Variants in CTNNA2 observed in about 807,000 individuals in gnomAD.
CTNNA2 encodes catenin alpha-2.
A neutral mutation model predicts 101.0 loss-of-function variants in CTNNA2; 42 were observed. That is an observed-to-expected ratio of 0.42 (90% CI 0.32 to 0.54). The LOEUF (loss-of-function observed/expected upper bound fraction) is 0.54, where lower values mean the gene tolerates loss of function less well. CTNNA2 is among the 20% of genes least tolerant of loss of function. The pLI is 0.14. For missense variants in CTNNA2, 871 were observed against 1,223.1 expected (o/e 0.71, Z 4.29); for synonymous variants, 450 against 456.4 (o/e 0.99, Z 0.18).
At chr2:80,158,852 A>C (rs891632961) in intron 7 of CTNNA2, among the ~76,000 whole-genome samples, 2 of 151,712 alleles carry the variant, frequency 1.3e-5, no homozygotes, top group Non-Finnish European at 2.9e-5. Context: ...CAGAGCTTGC[A>C]GTGAGCCGAG....
intron 7 of CTNNA2, among the ~76,000 whole-genome samples, chr2:80,058,356 A>G (rs959763501): frequency 4.6e-5 from 7 of 152,216 alleles, no homozygotes; most frequent in African/African-American, 1.7e-4. Flanking sequence ...AAACTGAGGG[A>G]TAGAAAGTTC....
chr2:79,212,087 G>A (rs1361953611), intron 2 of CTNNA2, among the ~76,000 whole-genome samples: 1 of 152,202 alleles, frequency 6.6e-6, no homozygotes, highest in Non-Finnish European at 1.5e-5. Flanking sequence ...TCTGATTAGA[G>A]AGTGCCTAAG....
intron 2 of CTNNA2, among the ~76,000 whole-genome samples, chr2:79,230,936 C>T (rs925931228): frequency 2.0e-5 from 3 of 152,172 alleles, no homozygotes; most frequent in Non-Finnish European, 4.4e-5. Flanking sequence ...CTAATTTCTC[C>T]CATTTGGAAT....
chr2:80,082,897 T>C (rs1235247058), intron 7 of CTNNA2, among the ~76,000 whole-genome samples: 2 of 152,182 alleles, frequency 1.3e-5, no homozygotes, highest in Non-Finnish European at 2.9e-5. Context: ...TAATAGACTG[T>C]GCCCTGTGAT....
At chr2:80,248,596 C>A (rs1358551650) in intron 7 of CTNNA2, among the ~76,000 whole-genome samples, 1 of 152,176 alleles carries the variant, frequency 6.6e-6, no homozygotes, top group Non-Finnish European at 1.5e-5. Flanking sequence ...TGTCTGCCGT[C>A]TTCCAACCAC....
At chr2:80,559,461 A>T (rs1334690147) in intron 12 of CTNNA2, among the ~76,000 whole-genome samples, 3 of 152,202 alleles carry the variant, frequency 2.0e-5, no homozygotes, top group East Asian at 3.9e-4. Flanking sequence ...CCAAAGAGTG[A>T]TAACACATCT....
intron 3 of CTNNA2, among the ~76,000 whole-genome samples, chr2:79,751,518 C>A (rs1263353462): frequency 6.9e-5 from 10 of 145,148 alleles, no homozygotes; most frequent in African/African-American, 2.6e-4. Flanking sequence ...ATCACTTGAA[C>A]CTGGGAGGCG....
chr2:79,604,440 G>A (rs542432876), intron 1 of CTNNA2, among the ~76,000 whole-genome samples: 80 of 152,292 alleles, frequency 5.3e-4, no homozygotes, highest in South Asian at 3.7e-3. Context: ...CAGGGGAAAG[G>A]CATTCCAGTC....
chr2:79,377,335 T>C (rs991662360), intron 4 of CTNNA2, among the ~76,000 whole-genome samples: 10 of 152,200 alleles, frequency 6.6e-5, no homozygotes, highest in Admixed American at 2.0e-4. Flanking sequence ...GACACTATGC[T>C]GAACAATCCA....
chr2:80,306,252 A>C (rs989991915), intron 7 of CTNNA2, among the ~76,000 whole-genome samples: 3 of 152,212 alleles, frequency 2.0e-5, no homozygotes, highest in African/African-American at 7.2e-5. Flanking sequence ...CTTAGGAGTT[A>C]GAAGAGACAT....
intron 7 of CTNNA2, among the ~76,000 whole-genome samples, chr2:80,391,439 C>G (rs557802829): frequency 1.3e-5 from 2 of 152,266 alleles, no homozygotes; most frequent in South Asian, 4.1e-4. Context: ...AATCGATCCT[C>G]CATCTGTTGC....
intron 2 of CTNNA2, among the ~76,000 whole-genome samples, chr2:79,254,491 G>A (rs542982316): frequency 6.6e-6 from 1 of 152,174 alleles, no homozygotes; most frequent in Non-Finnish European, 1.5e-5. Flanking sequence ...TTCCAGCCAT[G>A]TGAAGGGCTG....
chr2:80,189,121 T>G (rs909398511), intron 7 of CTNNA2, among the ~76,000 whole-genome samples: 3 of 151,798 alleles, frequency 2.0e-5, no homozygotes, highest in Non-Finnish European at 4.4e-5. Flanking sequence ...CCTGGCTAAT[T>G]TTTTGTATTT....
At chr2:79,560,489 T>C (rs1192467877) in intron 1 of CTNNA2, among the ~76,000 whole-genome samples, 2 of 151,904 alleles carry the variant, frequency 1.3e-5, no homozygotes, top group Non-Finnish European at 2.9e-5. Flanking sequence ...GAAGTTGGCT[T>C]TAATTCAGGT....
At chr2:79,747,587 C>T (rs970159095) in intron 3 of CTNNA2, among the ~76,000 whole-genome samples, 1 of 152,144 alleles carries the variant, frequency 6.6e-6, no homozygotes, top group African/African-American at 2.4e-5. Flanking sequence ...ATTCTTTTGT[C>T]ATTACAAGTT....
At chr2:79,901,191 T>C (rs2104280141) in intron 6 of CTNNA2, among the ~76,000 whole-genome samples, 1 of 152,058 alleles carries the variant, frequency 6.6e-6, no homozygotes, top group South Asian at 2.1e-4. Flanking sequence ...TGACTTTGAC[T>C]AATGTTAACT....
intron 7 of CTNNA2, among the ~76,000 whole-genome samples, chr2:80,240,602 C>T (rs1670856189): frequency 6.6e-6 from 1 of 152,132 alleles, no homozygotes; most frequent in African/African-American, 2.4e-5. Flanking sequence ...GTTTCTCTTT[C>T]CTTCCCACAC....
chr2:79,315,516 C>T (rs909154435), intron 3 of CTNNA2, among the ~76,000 whole-genome samples: 4 of 152,076 alleles, frequency 2.6e-5, no homozygotes, highest in South Asian at 2.1e-4. Flanking sequence ...TGGTCTTTTG[C>T]GACAGGCTTT....
intron 15 of CTNNA2, among the ~76,000 whole-genome samples, chr2:80,590,316 C>T (rs760603459): frequency 1.3e-5 from 2 of 152,004 alleles, no homozygotes; most frequent in African/African-American, 2.4e-5. Flanking sequence ...TCTCTATTTG[C>T]GAAATGGTGA....
Sources: allele counts gnomAD v4.1 joint callset (sites outside exome capture counted in the v4.1 genomes callset), GRCh38; gene constraint gnomAD v4.1.1; transcripts MANE v1.5; gene names NCBI Gene and HGNC (gene_info 2026-07-23, HGNC 2026-07-21).